TOR1AIP2: variants seen among roughly 807,000 people sequenced by gnomAD.
TOR1AIP2 encodes the protein torsin 1A interacting protein 2.
A neutral mutation model predicts 32.6 loss-of-function variants in TOR1AIP2; 20 were observed. The ratio of observed to expected loss-of-function variants is 0.61; its 90% CI spans 0.43 to 0.89. The LOEUF is 0.89. TOR1AIP2 is among the 40% of genes least tolerant of loss of function. The pLI, the probability that TOR1AIP2 is intolerant of heterozygous loss-of-function variation, is 0.00. For missense variants in TOR1AIP2, 456 were observed against 553.8 expected (o/e 0.82, Z 1.77); for synonymous variants, 214 against 210.8 (o/e 1.02, Z -0.13).
At chr1:179,863,805 A>G (rs1314078328) in intron 3 of TOR1AIP2, 1 of 985,096 alleles carries the variant, frequency 1.0e-6, no homozygotes, top group Non-Finnish European at 1.2e-6. Context: ...AGTGTAATTT[A>G]AAAATTGTTC....
At chr1:179,856,045 T>C (rs1353194227) in intron 3 of TOR1AIP2, among the ~76,000 whole-genome samples, 1 of 150,798 alleles carries the variant, frequency 6.6e-6, no homozygotes, top group East Asian at 1.9e-4. Context: ...TAGCCAGGCG[T>C]GGTGGTGCAT....
chr1:179,855,724 GTC>G (rs1696273703), intron 3 of TOR1AIP2, among the ~76,000 whole-genome samples: 2 of 152,124 alleles, frequency 1.3e-5, no homozygotes, highest in South Asian at 4.1e-4. Context: ...GCCCCAAAAT[GTC>G]CATTGCTGTA....
At chr1:179,858,009 A>G (rs1049375484) in intron 3 of TOR1AIP2, among the ~76,000 whole-genome samples, 3 of 152,104 alleles carry the variant, frequency 2.0e-5, no homozygotes, top group African/African-American at 7.2e-5. Flanking sequence ...TTTAAAAATT[A>G]GCCAGGTATG....
chr1:179,857,104 C>T (rs2148436588), intron 3 of TOR1AIP2, among the ~76,000 whole-genome samples: 1 of 152,338 alleles, frequency 6.6e-6, no homozygotes, highest in East Asian at 1.9e-4. Context: ...TTGATAGTAT[C>T]TTCTACAAGG....
At chr1:179,863,223 C>T (rs1224865299) in intron 3 of TOR1AIP2, 1 of 759,622 alleles carries the variant, frequency 1.3e-6, no homozygotes, top group Non-Finnish European at 1.5e-6. Context: ...GACTCTGTCT[C>T]AAAAAAAAAA....
rs1558008288 is a variant in TOR1AIP2, at chr1:179,846,564, G to A, written c.920C>T (p.Thr307Ile). 3 of 1,614,154 alleles carry A rather than the reference G, an allele frequency of 1.9e-6. No homozygotes were observed. Among genetic ancestry groups the A allele is most frequent in the Non-Finnish European group, 2.5e-6 (3 of 1,180,022 alleles). Residue 307 changes from threonine (T) to isoleucine (I), a missense_variant, in exon 7 of 7, where the codon ACC becomes ATC. Thr to Ile is a moderately conservative substitution (Grantham distance 89). Coordinates refer to ENST00000609928, the MANE Select transcript of TOR1AIP2 (RefSeq NM_001199260.2). Reference protein sequence around the residue: ...IFTAAREGRETLKCLSHHVAD... With the variant: ...IFTAAREGREILKCLSHHVAD... ...AACATGGTGGCTCAGGCACTTCAGG[G>A]TCTCTCTTCCCTCCCGAGCTGCTGT... is the stretch of plus-strand genomic sequence containing the variant.
rs1437223262 is a variant in TOR1AIP2, at chr1:179,850,992, AGCT to A, written c.403_405del (p.Ser136del). The A allele has an allele frequency of 8.1e-6, 13 of 1,614,072 alleles. No homozygotes were observed. The highest frequency in any genetic ancestry group is 1.1e-5 in the Non-Finnish European group (13 of 1,180,026). ...CTCGCTTCCTTAGGGAGGGCCACAGAGCTGCTCCCTAAGTGTGCATCTGCTCTT... is the reference window on the plus strand; with the variant it reads ...CTCGCTTCCTTAGGGAGGGCCACAGAGCTCCCTAAGTGTGCATCTGCTCTT... On this transcript the variant is annotated inframe_deletion, in exon 5 of 7. Transcript: ENST00000609928.
intron 5 of TOR1AIP2, among the ~76,000 whole-genome samples, chr1:179,850,248 C>A (rs1185780524): frequency 6.6e-6 from 1 of 152,194 alleles, no homozygotes; most frequent in Admixed American, 6.5e-5. Flanking sequence ...AGAATTCACA[C>A]CTCCAGTTCC....
intron 5 of TOR1AIP2, among the ~76,000 whole-genome samples, chr1:179,847,904 G>A (rs1227522597): frequency 6.6e-6 from 1 of 151,950 alleles, no homozygotes; most frequent in Non-Finnish European, 1.5e-5. Context: ...ATGATGGCGG[G>A]CGCCTGTAAT....
intron 6 of TOR1AIP2, 24 bp from the exon 7 acceptor site, chr1:179,846,852 T>C (rs1695927835): frequency 1.3e-6 from 2 of 1,559,898 alleles, no homozygotes; most frequent in Admixed American, 3.8e-5. Context: ...GAAAAAGGAA[T>C]AGAAAATTAC....
At chr1:179,876,618 C>A (rs1484368066) in intron 2 of TOR1AIP2, among the ~76,000 whole-genome samples, 1 of 151,458 alleles carries the variant, frequency 6.6e-6, no homozygotes, top group Non-Finnish European at 1.5e-5. Context: ...TTTCCACTGG[C>A]CTTTTATATC....
chr1:179,868,945 T>G (rs1696904901), intron 2 of TOR1AIP2: 1 of 152,290 alleles, frequency 6.6e-6, no homozygotes, highest in Non-Finnish European at 1.5e-5. Context: ...TGAGTTCAAG[T>G]GATTCTCTTG....
At chr1:179,863,680 A>G (rs1263114178) in intron 3 of TOR1AIP2, 1 of 618,646 alleles carries the variant, frequency 1.6e-6, no homozygotes, top group Non-Finnish European at 2.0e-6. Flanking sequence ...TAAAAAGCAA[A>G]AAAAAAAAAA....
At chr1:179,859,744 C>T (rs958679151) in intron 3 of TOR1AIP2, 4 of 985,330 alleles carry the variant, frequency 4.1e-6, no homozygotes, top group Non-Finnish European at 4.8e-6. Flanking sequence ...TTAATCTTTA[C>T]ACCCAAGACC....
At chr1:179,856,151 G>A (rs967741659) in intron 3 of TOR1AIP2, among the ~76,000 whole-genome samples, 1 of 152,114 alleles carries the variant, frequency 6.6e-6, no homozygotes, top group Non-Finnish European at 1.5e-5. Flanking sequence ...TCCAGCCTGG[G>A]CGACAGAGCA....
intron 5 of TOR1AIP2, among the ~76,000 whole-genome samples, chr1:179,849,027 T>C (rs1696022800): frequency 6.6e-6 from 1 of 151,638 alleles, no homozygotes; most frequent in Admixed American, 6.6e-5. Context: ...TCCCAGCTAC[T>C]CGGGAGGCTG....
rs1695844639 is a variant in TOR1AIP2 at position 179,844,968 on chromosome 1, G to C, written c.*1103C>G. 1 of 152,152 alleles carries C rather than the reference G, an allele frequency of 6.6e-6. No individual in the cohort carries two copies. Among genetic ancestry groups the C allele is most frequent in the Non-Finnish European group, 1.5e-5 (1 of 68,012 alleles). The allele number at this position is 152,152 out of a possible 1,614,324, so 9.4% of individuals were successfully genotyped here. A position where few individuals can be genotyped will look rare whatever the true frequency, so the allele number is the denominator to read the frequency against. On this transcript the variant is annotated 3_prime_UTR_variant, in exon 7 of 7. Transcript: ENST00000609928. Reference sequence around the variant, plus strand: ...CAAGTATAAAATTCCATGCAGAGGGGACAGAAATGACGATTAACAGAAATG... The same window carrying C: ...CAAGTATAAAATTCCATGCAGAGGGCACAGAAATGACGATTAACAGAAATG...
At chr1:179,858,520 CT>C (rs560921877) in intron 3 of TOR1AIP2, among the ~76,000 whole-genome samples, 100 of 152,224 alleles carry the variant, frequency 6.6e-4, no homozygotes, top group African/African-American at 2.3e-3. Context: ...ATTCTCTGCA[CT>C]TTTCTGTATG....
chr1:179,852,704 T>C lies in TOR1AIP2; in HGVS notation c.-39A>G, dbSNP rs1288043119. 3 of 1,613,838 alleles carry C rather than the reference T, an allele frequency of 1.9e-6. No homozygotes were observed. On this transcript the variant is annotated 5_prime_UTR_variant, in exon 4 of 7. Coordinates refer to ENST00000609928, the MANE Select transcript of TOR1AIP2 (RefSeq NM_001199260.2). Reference sequence around the variant, plus strand: ...CTCTTCAGAGTTGGGAGGATACTTTTTTTAGTACTTGGTTTTCCTTGTGAA... The same window carrying C: ...CTCTTCAGAGTTGGGAGGATACTTTCTTTAGTACTTGGTTTTCCTTGTGAA...
Sources: gnomAD v4.1 joint callset for allele counts (sites outside exome capture counted in the v4.1 genomes callset) on GRCh38, gnomAD v4.1.1 for gene constraint, MANE v1.5 for transcripts, NCBI Gene and HGNC (gene_info 2026-07-23, HGNC 2026-07-21) for gene names.